The following STXBP2 variants were observed in gnomAD, a reference collection of about 807,000 sequenced individuals.
The protein encoded by STXBP2 is syntaxin-binding protein 2.
A neutral mutation model predicts 72.2 loss-of-function variants in STXBP2; 47 were observed. That is an observed-to-expected ratio of 0.65 (90% confidence interval 0.51 to 0.83). The LOEUF (loss-of-function observed/expected upper bound fraction) is 0.83, where lower values mean the gene tolerates loss of function less well. STXBP2 is among the 40% of genes least tolerant of loss of function. The pLI is 0.00. For synonymous variants in STXBP2, 367 were observed against 338.7 expected (o/e 1.08, Z -0.92); for missense variants, 702 against 807.6 (o/e 0.87, Z 1.58).
In STXBP2 at chr19:7,640,154, ATCTGTATG is replaced by A. The variant is rs768693999; in HGVS notation, c.246+349_246+356del. 1.1e-3 allele frequency: 555 copies of A among 513,864 alleles called. 2 individuals carry two copies. In the African/African-American group the frequency reaches 0.012, roughly 11 times the overall value. The allele number at this position is 513,864 out of a possible 1,614,324, so 31.8% of individuals were successfully genotyped here. ...TGTATGTGTGTGTGCATCTGTGTGC[ATCTGTATG>A]TGTGTGTGTGCGTCTGTCTGTGTGC... On this transcript the variant is annotated intron_variant, in intron 4 of 18. Transcript: ENST00000221283.
At chr19:7,647,300 G>A in intron 17 of STXBP2, 53 bp downstream of exon 17, 1 of 1,611,606 alleles carries the variant, frequency 6.2e-7, no homozygotes, top group South Asian at 1.1e-5. Context: ...TAGGTGGGCG[G>A]CCTGGCGGCG....
At position 7,647,275 on chromosome 19, in the gene STXBP2, C is replaced by T. The variant is rs55954306; in HGVS notation, c.1538+28C>T. ...GAGGCCCCGGGGCCGCCCCCGCCCA[C>T]GCCTGGGTCTGTGTTAGGTGGGCGG... On this transcript the variant is annotated intron_variant, in intron 17 of 18. Transcript: ENST00000221283. The T allele has an allele frequency of 0.13, 203,699 of 1,610,808 alleles. 14,373 individuals carry two copies. Among genetic ancestry groups the T allele is most frequent in the Non-Finnish European group, 0.15 (172,959 of 1,179,394 alleles).
upstream of STXBP2, among the ~76,000 whole-genome samples, chr19:7,635,553 G>A (rs1007979457): frequency 1.3e-5 from 2 of 151,910 alleles, no homozygotes; most frequent in East Asian, 1.9e-4. Context: ...AAAATCAACC[G>A]GGCACGGTGG....
At position 7,645,294 on chromosome 19, in the gene STXBP2, C is replaced by G; in HGVS notation, c.1344C>G (p.Val448=). The change falls in exon 15 of 19, where the codon GTC becomes GTG. Residue 448 remains valine, a synonymous_variant. Transcript: ENST00000221283. ...IRNLEQLGGT[V]TNPGGSGTSS... ...ACCTGGAGCAGCTGGGAGGCACTGT[C>G]ACCAACCCCGGGGTACGCCAGGAGC... The G allele has an allele frequency of 1.3e-6, 2 of 1,585,086 alleles. No homozygotes were observed. Among genetic ancestry groups the G allele is most frequent in the Non-Finnish European group, 1.7e-6 (2 of 1,164,638 alleles).
In STXBP2 at chr19:7,644,694, G is replaced by C. The variant is rs371355447; in HGVS notation, c.1188G>C (p.Ala396=). The C allele has an allele frequency of 7.4e-6, 12 of 1,613,820 alleles. No individual in the cohort carries two copies. Among genetic ancestry groups the C allele is most frequent in the Non-Finnish European group, 1.0e-5 (12 of 1,179,872 alleles). ...TGATCGTTCCGGTGCTGCTGGACGC[G>C]GCGGTGCCCGCCTACGACAAGATCC... ...MKLIVPVLLD[A]AVPAYDKIRV... Residue 396 remains alanine (A), a synonymous_variant, in exon 14 of 19, where the codon GCG becomes GCC. Coordinates refer to ENST00000221283, the MANE Select transcript of STXBP2 (RefSeq NM_006949.4).
chr19:7,647,072 A>G (rs2032163449), intron 16 of STXBP2, 90 bp from the exon 17 acceptor site: 1 of 1,382,214 alleles, frequency 7.2e-7, no homozygotes, highest in Non-Finnish European at 1.0e-6. Flanking sequence ...GTCTGCCAGG[A>G]TCTTGGCCCC....
rs116588922 is a variant in STXBP2 at position 7,638,104 on chromosome 19, G to T, written c.38-622G>T. Among the ~76,000 whole-genome samples, 1,427 of 152,316 alleles carry T rather than the reference G, an allele frequency of 9.4e-3. 24 individuals are homozygous for T. Among genetic ancestry groups the T allele is most frequent in the African/African-American group, 0.031 (1,298 of 41,562 alleles). On this transcript the variant is annotated intron_variant, in intron 1 of 18. Coordinates refer to ENST00000221283, the MANE Select transcript of STXBP2 (RefSeq NM_006949.4). Reference sequence around the variant, plus strand: ...CAGGTGGGGAAGCCGAGAGCCTGGCGCTAGAGGCAGATAGAGCTGTAGATG... The same window carrying T: ...CAGGTGGGGAAGCCGAGAGCCTGGCTCTAGAGGCAGATAGAGCTGTAGATG...
At chr19:7,631,458 C>G in the STXBP2 span, 2 of 1,533,140 alleles carry the variant, frequency 1.3e-6, no homozygotes, top group East Asian at 2.5e-5. Flanking sequence ...GTCCCACCCG[C>G]TTCTCCACCC....
intron 13 of STXBP2, 22 bp downstream of exon 13, chr19:7,643,267 G>A (rs1599400666): frequency 3.1e-6 from 5 of 1,611,860 alleles, no homozygotes; most frequent in Non-Finnish European, 3.4e-6. Flanking sequence ...CTTGCGGGGG[G>A]CAGGGGTGAT....
chr19:7,635,699 CAAAACA>C (rs1354969024), upstream of STXBP2, among the ~76,000 whole-genome samples: 1 of 151,266 alleles, frequency 6.6e-6, no homozygotes, highest in African/African-American at 2.4e-5. Context: ...CGTCTCTTTA[CAAAACA>C]AAAACAAACA....
Position 7,640,078 on chromosome 19 carries a change from CTG to C in STXBP2, c.246+274_246+275del, listed in dbSNP as rs527377117. On this transcript the variant is annotated intron_variant, in intron 4 of 18. Transcript: ENST00000221283. ...TGTGTATGTGTGTATGCGTGTGTGT[CTG>C]TGGGTCTGTGTGTGCATTTGTGTCT... 142 of 580,096 alleles carry C rather than the reference CTG, an allele frequency of 2.4e-4. 2 individuals are homozygous for C. Among genetic ancestry groups the C allele is most frequent in the East Asian group, 2.4e-3 (69 of 28,812 alleles). The allele number at this position is 580,096 out of a possible 1,614,324, so 35.9% of individuals were successfully genotyped here. A position where few individuals can be genotyped will look rare whatever the true frequency, so the allele number is the denominator to read the frequency against.
intron 5 of STXBP2, 21 bp downstream of exon 5, chr19:7,640,830 G>A (rs2031840175): frequency 1.2e-6 from 2 of 1,614,070 alleles, no homozygotes; most frequent in Non-Finnish European, 8.5e-7. Flanking sequence ...AGAGCCTAGG[G>A]TGTTGGTGGG....
At chr19:7,641,311 A>G in intron 6 of STXBP2, 1 of 498,944 alleles carries the variant, frequency 2.0e-6, no homozygotes, top group Non-Finnish European at 3.7e-6. Flanking sequence ...TCGAGGCTGC[A>G]GTGAGCTATG....
At chr19:7,633,330 G>GC, upstream of STXBP2, 1 of 1,342,718 alleles carries the variant, frequency 7.4e-7, no homozygotes, top group Admixed American at 2.1e-5. Context: ...TTAATTAGGT[G>GC]CCCTACAAAC....
upstream of STXBP2, chr19:7,633,590 C>A: frequency 1.3e-6 from 1 of 792,204 alleles, no homozygotes. Context: ...CCCATCTGCT[C>A]CCACCCAAGC....
rs1345573960 is a variant in STXBP2, at chr19:7,647,644, C to T, written c.1697-81C>T. On this transcript the variant is annotated intron_variant, in intron 18 of 18. Coordinates refer to ENST00000221283, the MANE Select transcript of STXBP2 (RefSeq NM_006949.4). ...GTTTGCTGAGGGACAGGGACAGCCC[C>T]ACACCAGCCGGGACCGGGAGCCTGT... 7 of 1,600,850 alleles carry T rather than the reference C, an allele frequency of 4.4e-6. No individual in the cohort carries two copies. The African/African-American group carries it at 5.4e-5, about 12-fold the overall frequency.
chr19:7,633,577 T>G, upstream of STXBP2: 6 of 901,750 alleles, frequency 6.7e-6, no homozygotes, highest in Non-Finnish European at 1.0e-5. Context: ...CCCCAGCTCA[T>G]GCCCCATCTG....
intron 4 of STXBP2, 33 bp downstream of exon 4, chr19:7,639,840 G>T (rs188150465): frequency 4.3e-5 from 69 of 1,593,778 alleles, no homozygotes; most frequent in Non-Finnish European, 5.7e-5. Flanking sequence ...GTGTATGCGC[G>T]TGCATGCGTG....
intron 4 of STXBP2, chr19:7,640,154 ATCTGTATGTG>A: frequency 1.9e-6 from 1 of 513,858 alleles, no homozygotes; most frequent in African/African-American, 2.3e-5. Flanking sequence ...ATCTGTGTGC[ATCTGTATGTG>A]TGTGTGTGCG....
Sources: gnomAD v4.1 joint callset for allele counts (sites outside exome capture counted in the v4.1 genomes callset) on GRCh38, gnomAD v4.1.1 for gene constraint, MANE v1.5 for transcripts, NCBI Gene and HGNC (gene_info 2026-07-23, HGNC 2026-07-21) for gene names.